Variants in HLA-DQA1 observed in about 807,000 individuals in gnomAD.
The protein encoded by HLA-DQA1 is HLA class II histocompatibility antigen, DQ alpha 1 chain.
HLA-DQA1 carries 10 observed loss-of-function variants against 20.7 expected under a neutral mutation model. That is an observed-to-expected ratio of 0.48 (90% CI 0.30 to 0.82). HLA-DQA1 has a LOEUF of 0.82. Among genes scored for constraint, HLA-DQA1 ranks in the 40% least tolerant of loss-of-function variants. The pLI is 0.07. For missense variants in HLA-DQA1, 127 were observed against 293.0 expected (o/e 0.43, Z 4.14); for synonymous variants, 39 against 109.2 (o/e 0.36, Z 4.01).
chr6:32,639,088 G>C lies in HLA-DQA1; in HGVS notation c.82+1548G>C, dbSNP rs9272543. ...TTGTTCGGCAGTGGAAGTTTCACCT[G>C]CTTCTCCAGAGCGCTTGGCGTCTTT... On this transcript the variant is annotated intron_variant, in intron 1 of 4. Transcript: ENST00000343139. The C allele has an allele frequency of 1.7e-5, 4 of 238,910 alleles. 1 individual carries two copies. Among genetic ancestry groups the C allele is most frequent in the East Asian group, 1.2e-4 (1 of 8,264 alleles). The allele number at this position is 238,910 out of a possible 1,614,324, so 14.8% of individuals were successfully genotyped here.
At position 32,642,758 on chromosome 6, in the gene HLA-DQA1, A is replaced by C. The variant is rs1130116; in HGVS notation, c.762A>C (p.Pro254=). ...RSVGASRHQG[P]L is the part of the protein sequence containing the mutation. The stretch of plus-strand genomic sequence containing the variant: ...TTGGTGCTTCCAGACACCAAGGGCC[A>C]TTGTGAATCCCATCCTGGAAGGGAA... Residue 254 remains proline (P), a synonymous_variant, in exon 4 of 5, where the codon CCA becomes CCC. Transcript: ENST00000343139. The C allele has an allele frequency of 0.31, 308,421 of 1,005,606 alleles. 125,079 individuals carry two copies. Among genetic ancestry groups the C allele is most frequent in the South Asian group, 0.56 (38,713 of 69,102 alleles). 62.3% of individuals were successfully genotyped at this position (1,005,606 alleles called of 1,614,324 possible). A position where few individuals can be genotyped will look rare whatever the true frequency, so the allele number is the denominator to read the frequency against.
chr6:32,654,418 G>T, the HLA-DQA1 span, among the ~76,000 whole-genome samples: 38,966 of 94,028 alleles, frequency 0.41, 9,803 homozygotes, highest in Middle Eastern at 0.6. Flanking sequence ...ATGAGAGATT[G>T]GTTCCAGGAT....
chr6:32,642,450 T>C (rs76422016), intron 3 of HLA-DQA1, 160 bp from the exon 4 acceptor site: 115,782 of 510,954 alleles, frequency 0.23, 40,150 homozygotes, highest in Admixed American at 0.37. Context: ...AGGATGGGAG[T>C]GGGCCTGCCA....
Position 32,641,322 on chromosome 6 carries a change from C to T in HLA-DQA1, c.95C>T (p.Ala32Val), listed in dbSNP as rs763996857. ...GGEDIVADHV[A>V]SCGVNLYQFY... is the part of the protein sequence containing the mutation. The stretch of plus-strand genomic sequence containing the variant: ...CTTCACTCATCAGCTGACCACGTTG[C>T]CTCTTGTGGTGTAAACTTGTACCAG... The change falls in exon 2 of 5, where the codon GCC (alanine) becomes GTC (valine). Residue 32 changes from alanine to valine, a missense_variant. By Grantham distance (64) the Ala-to-Val change is moderately conservative (BLOSUM62 0). Around this residue, in one of 4 missense-constraint regions of HLA-DQA1, gnomAD observed 36 missense variants for 44.8 expected, o/e 0.80. Coordinates refer to ENST00000343139, the MANE Select transcript of HLA-DQA1 (RefSeq NM_002122.5). The T allele has an allele frequency of 8.0e-7, 1 of 1,250,104 alleles. No homozygotes were observed. Among genetic ancestry groups the T allele is most frequent in the Non-Finnish European group, 1.1e-6 (1 of 900,792 alleles). The allele number at this position is 1,250,104 out of a possible 1,614,324, so 77.4% of individuals were successfully genotyped here.
intron 1 of HLA-DQA1, chr6:32,639,183 A>T (rs78702533): frequency 0.075 from 14,325 of 191,436 alleles, 2,761 homozygotes; most frequent in Admixed American, 0.088. Context: ...CATTAGGCAC[A>T]ATGTGGGCAG....
the HLA-DQA1 span, among the ~76,000 whole-genome samples, chr6:32,652,977 G>C: frequency 0.21 from 30,637 of 143,552 alleles, 4,040 homozygotes; most frequent in Middle Eastern, 0.34. Context: ...TTAGGGAAAG[G>C]GTTTAGGACA....
chr6:32,646,329 A>G (rs1032859461), downstream of HLA-DQA1: 1 of 147,858 alleles, frequency 6.8e-6, no homozygotes, highest in Admixed American at 6.9e-5. Flanking sequence ...TTGGAGGCCA[A>G]TAGGGGAGGA....
downstream of HLA-DQA1, among the ~76,000 whole-genome samples, chr6:32,651,600 A>AAAAAAAAAAAAAAAAAAAC: frequency 1.2e-5 from 1 of 85,966 alleles, no homozygotes; most frequent in Non-Finnish European, 2.5e-5. Flanking sequence ...AAAAAAAAAA[A>AAAAAAAAAAAAAAAAAAAC]AAAAAGACAA....
At chr6:32,648,196 A>T (rs143370305), downstream of HLA-DQA1, among the ~76,000 whole-genome samples, 2,382 of 97,508 alleles carry the variant, frequency 0.024, 781 homozygotes, top group South Asian at 0.24. Context: ...ATGAGAATTT[A>T]ATAACATGAA....
the HLA-DQA1 span, among the ~76,000 whole-genome samples, chr6:32,655,170 GTTAT>G: frequency 3.0e-5 from 2 of 67,440 alleles, no homozygotes; most frequent in African/African-American, 1.0e-4. Context: ...TGTAAATGCA[GTTAT>G]TTGTCAATTA....
chr6:32,649,279 C>G (rs1200993734), downstream of HLA-DQA1, among the ~76,000 whole-genome samples: 2 of 97,452 alleles, frequency 2.1e-5, 1 homozygote, highest in African/African-American at 7.1e-5. Context: ...TTGGAAAAAA[C>G]TACTTTAAAT....
intron 1 of HLA-DQA1, chr6:32,638,920 T>C: frequency 2.8e-6 from 1 of 351,740 alleles, no homozygotes; most frequent in Non-Finnish European, 5.6e-6. Context: ...AGGATCCATC[T>C]CTGACTCCCT....
chr6:32,638,267 T>A (rs1439878493), intron 1 of HLA-DQA1, among the ~76,000 whole-genome samples: 1 of 116,580 alleles, frequency 8.6e-6, no homozygotes, highest in African/African-American at 3.1e-5. Flanking sequence ...AAATAAGGGA[T>A]CATTTTATTT....
At chr6:32,655,089 A>G in the HLA-DQA1 span, among the ~76,000 whole-genome samples, 2 of 89,812 alleles carry the variant, frequency 2.2e-5, 1 homozygote, top group Non-Finnish European at 4.8e-5. Context: ...TCATACCACA[A>G]AAAAAGTGAA....
intron 1 of HLA-DQA1, among the ~76,000 whole-genome samples, chr6:32,640,499 A>G (rs73729513): frequency 0.18 from 9,662 of 54,428 alleles, 3,039 homozygotes; most frequent in African/African-American, 0.21. Context: ...TTAGAGGAAA[A>G]AGTGTGATAT....
In HLA-DQA1 at chr6:32,638,985, T is replaced by G. The variant is rs147737004; in HGVS notation, c.82+1445T>G. The G allele has an allele frequency of 3.8e-3, 1,352 of 353,560 alleles. 369 individuals carry two copies. The highest frequency in any genetic ancestry group is 0.013 in the South Asian group (625 of 48,570). The allele number at this position is 353,560 out of a possible 1,614,324, so 21.9% of individuals were successfully genotyped here. A position where few individuals can be genotyped will look rare whatever the true frequency, so the allele number is the denominator to read the frequency against. ...GTAAAACAAAAGTTGAAAAGTCAGA[T>G]AGTTAAAAGGGGAAGTGAACTGGAA... On this transcript the variant is annotated intron_variant, in intron 1 of 4. Transcript: ENST00000343139.
the HLA-DQA1 span, among the ~76,000 whole-genome samples, chr6:32,652,658 G>A: frequency 0.54 from 71,975 of 132,676 alleles, 20,846 homozygotes; most frequent in Middle Eastern, 0.69. Flanking sequence ...CAGCTTTGAC[G>A]ATATTGAAAA....
At chr6:32,643,939 T>C (rs1169259381), downstream of HLA-DQA1, 2 of 151,030 alleles carry the variant, frequency 1.3e-5, no homozygotes, top group East Asian at 2.0e-4. Flanking sequence ...ACCTCCTGAA[T>C]GAAGCTGTAC....
At chr6:32,644,840 C>T (rs1582008079), downstream of HLA-DQA1, 1 of 134,602 alleles carries the variant, frequency 7.4e-6, no homozygotes, top group Middle Eastern at 3.6e-3. Flanking sequence ...ATATTCCCTC[C>T]TTATGGCCCA....
Sources: allele counts gnomAD v4.1 joint callset (sites outside exome capture counted in the v4.1 genomes callset), GRCh38; gene constraint gnomAD v4.1.1; regional missense constraint gnomAD v4.1.1; transcripts MANE v1.5; gene names NCBI Gene and HGNC (gene_info 2026-07-23, HGNC 2026-07-21).